Variants in CRACD observed in about 807,000 individuals in gnomAD.
CRACD encodes the protein capping protein inhibiting regulator of actin dynamics.
CRACD carries 56 observed loss-of-function variants against 106.8 expected under a neutral mutation model. The observed-to-expected ratio is 0.52, with a 90% CI of 0.42 to 0.66. The LOEUF is 0.66. Ranked by LOEUF, CRACD falls within the 30% of genes least tolerant of loss-of-function variation. The pLI, the probability that CRACD is intolerant of heterozygous loss-of-function variation, is 0.00. For missense variants in CRACD, 1,730 were observed against 1,623.2 expected, an observed-to-expected ratio of 1.07 and a Z score of -1.13; for synonymous variants, 754 against 670.8, an observed-to-expected ratio of 1.12 and a Z score of -1.92.
chr4:56,316,758 C>A, intron 8 of CRACD, 69 bp downstream of exon 8: 1 of 1,354,230 alleles, frequency 7.4e-7, no homozygotes, highest in Non-Finnish European at 9.7e-7. Context: ...AGAAGAGATC[C>A]ACACGCAGGT....
intron 1 of CRACD, among the ~76,000 whole-genome samples, chr4:56,083,383 G>A (rs1733102225): frequency 6.6e-6 from 1 of 152,184 alleles, no homozygotes; most frequent in Admixed American, 6.5e-5. Context: ...GCTGCCAAAA[G>A]TGGTTATTTC....
chr4:56,153,919 C>G (rs1200050608), intron 1 of CRACD, among the ~76,000 whole-genome samples: 1 of 152,222 alleles, frequency 6.6e-6, no homozygotes, highest in Non-Finnish European at 1.5e-5. Context: ...ACATTTATCT[C>G]AGCCCATACC....
intron 2 of CRACD, among the ~76,000 whole-genome samples, chr4:56,215,806 T>C (rs1231731089): frequency 7.2e-5 from 11 of 152,262 alleles, no homozygotes; most frequent in Non-Finnish European, 1.5e-5. Flanking sequence ...GTAACAGAAT[T>C]GACTAGCATA....
intron 1 of CRACD, among the ~76,000 whole-genome samples, chr4:56,152,066 G>A (rs1735600264): frequency 6.6e-6 from 1 of 151,144 alleles, no homozygotes; most frequent in South Asian, 2.1e-4. Context: ...CTGGAGTGCG[G>A]TGGTGCGGTC....
chr4:56,214,333 G>A lies in CRACD; in HGVS notation c.-189+34903G>A, dbSNP rs1437680593. On this transcript the variant is annotated intron_variant, in intron 2 of 10. Transcript: ENST00000682029. ...ATATAGGCCGGGTGCGATGGCTTAC[G>A]CCTATAATTCCAGCACTTTGGGAGG... 2.0e-5 allele frequency among the ~76,000 whole-genome samples: 3 copies of A among 152,128 alleles called. No individual in the cohort carries two copies. The East Asian group carries it at 5.8e-4, about 29-fold the overall frequency.
intron 3 of CRACD, among the ~76,000 whole-genome samples, chr4:56,281,523 C>A (rs1470927662): frequency 6.7e-6 from 1 of 149,064 alleles, no homozygotes; most frequent in African/African-American, 2.5e-5. Flanking sequence ...GTGACCCTCA[C>A]CTAGCTAGCG....
Position 56,314,510 on chromosome 4 carries a change from G to A in CRACD, c.1008G>A (p.Glu336=), listed in dbSNP as rs956465453. Residue 336 remains glutamate, a synonymous_variant, in exon 8 of 11, where the codon GAG becomes GAA. Transcript: ENST00000682029. The surrounding 1 kb of genome is among the most constrained non-coding windows in gnomAD (Gnocchi z 4.4). ...AAGCGGAGGAGAGGCGGCGGCTGGA[G>A]GAGGACGCCAGGCTGGAGGAGCGGA... The part of the protein sequence containing the change: ...QAQAEERRRL[E]EDARLEERRR... The A allele has an allele frequency of 6.6e-7, 1 of 1,515,912 alleles. No homozygotes were observed. Among genetic ancestry groups the A allele is most frequent in the Non-Finnish European group, 8.8e-7 (1 of 1,135,358 alleles). The allele number at this position is 1,515,912 out of a possible 1,614,324, so 93.9% of individuals were successfully genotyped here.
intron 3 of CRACD, among the ~76,000 whole-genome samples, chr4:56,294,913 C>CAAAAAAAAAAAAAAAAAAAATAAA (rs1743908932): frequency 2.8e-5 from 2 of 72,166 alleles, no homozygotes; most frequent in Admixed American, 1.9e-4. Flanking sequence ...GACCTTGTCT[C>CAAAAAAAAAAAAAAAAAAAATAAA]AAAAAAAAAA....
chr4:56,163,996 C>G (rs1298380818), intron 1 of CRACD, among the ~76,000 whole-genome samples: 2 of 152,166 alleles, frequency 1.3e-5, no homozygotes, highest in Non-Finnish European at 2.9e-5. Context: ...GATCTGCCAC[C>G]TCAGCCTCCC....
intron 2 of CRACD, among the ~76,000 whole-genome samples, chr4:56,215,233 C>T (rs932064773): frequency 6.6e-6 from 1 of 152,112 alleles, no homozygotes. Context: ...GTTGCCCAGG[C>T]TGATCTTGAA....
intron 2 of CRACD, among the ~76,000 whole-genome samples, chr4:56,248,316 T>G (rs536745897): frequency 6.6e-6 from 1 of 152,184 alleles, no homozygotes; most frequent in Non-Finnish European, 1.5e-5. Context: ...CTGGTGCCGC[T>G]CATACCTGGA....
chr4:56,267,988 G>A (rs1054166046), intron 2 of CRACD, among the ~76,000 whole-genome samples: 1 of 152,072 alleles, frequency 6.6e-6, no homozygotes, highest in African/African-American at 2.4e-5. Context: ...TCTCATCCTT[G>A]TGTGTATTCA....
intron 1 of CRACD, among the ~76,000 whole-genome samples, chr4:56,094,475 CTGGAGTGCAG>C (rs1733527738): frequency 7.3e-6 from 1 of 137,696 alleles, no homozygotes; most frequent in Admixed American, 8.0e-5. Context: ...GTCACCTAGG[CTGGAGTGCAG>C]TGGTGGGATC....
At chr4:56,194,498 C>G (rs1046199096) in intron 2 of CRACD, among the ~76,000 whole-genome samples, 6 of 152,164 alleles carry the variant, frequency 3.9e-5, no homozygotes, top group African/African-American at 1.2e-4. Flanking sequence ...TGCATCCCCC[C>G]CTGAAATTCA....
rs199558975 is a variant in CRACD, at chr4:56,316,684, G to A, written c.3182G>A (p.Arg1061Lys). 4 of 1,605,890 alleles carry A rather than the reference G, an allele frequency of 2.5e-6. No homozygotes were observed. The highest frequency in any genetic ancestry group is 3.4e-6 in the Non-Finnish European group (4 of 1,174,950). The change falls in exon 8 of 11, where the codon AGG (arginine) becomes AAG (lysine). Residue 1061 changes from arginine to lysine, a missense_variant. Around this residue, in one of 5 missense-constraint regions of CRACD, gnomAD observed 1,620 missense variants for 1,481.6 expected, o/e 1.09. Transcript: ENST00000682029. The stretch of plus-strand genomic sequence containing the variant: ...CCTTCTCAAACACCCGAGGCCGGGA[G>A]GAAAGGTAGGTAGCTGCAGGGTGGG... Reference protein sequence around the residue: ...EKPSQTPEAGRKEKPMLQSRH... With the variant: ...EKPSQTPEAGKKEKPMLQSRH...
intron 1 of CRACD, among the ~76,000 whole-genome samples, chr4:56,112,561 A>G (rs909841832): frequency 3.3e-5 from 5 of 152,120 alleles, no homozygotes; most frequent in Non-Finnish European, 7.4e-5. Context: ...TCAGGAAGGA[A>G]TTTAGAACAA....
intron 1 of CRACD, among the ~76,000 whole-genome samples, chr4:56,167,842 C>T (rs534391238): frequency 1.3e-5 from 2 of 152,254 alleles, no homozygotes; most frequent in South Asian, 4.1e-4. Flanking sequence ...GGAAATCCTG[C>T]AATATGCAAC....
chr4:56,254,281 C>A (rs905478974), intron 2 of CRACD, among the ~76,000 whole-genome samples: 1 of 152,038 alleles, frequency 6.6e-6, no homozygotes, highest in South Asian at 2.1e-4. Context: ...GTCAGTGCAA[C>A]GGAGTAAGTC....
rs370063155 is a variant in CRACD at position 56,214,493 on chromosome 4, G to A, written c.-189+35063G>A. Among the ~76,000 whole-genome samples, 682 of 151,806 alleles carry A rather than the reference G, an allele frequency of 4.5e-3. 4 individuals are homozygous for A. The highest frequency in any genetic ancestry group is 0.01 in the South Asian group (49 of 4,800). ...TGTAATCCCAGCTACTTGGGAAGCC[G>A]CGGCAGGAGAATCACGTGAACCCGG... On this transcript the variant is annotated intron_variant, in intron 2 of 10. Coordinates refer to ENST00000682029, the MANE Select transcript of CRACD (RefSeq NM_001393381.1).
Sources: gnomAD v4.1 joint callset for allele counts (sites outside exome capture counted in the v4.1 genomes callset) on GRCh38, gnomAD v4.1.1 for gene constraint, gnomAD v4.1.1 regional missense constraint, Gnocchi (gnomAD v3.1) non-coding constraint, MANE v1.5 for transcripts, NCBI Gene and HGNC (gene_info 2026-07-23, HGNC 2026-07-21) for gene names.